SGCZ: variants seen among roughly 807,000 people sequenced by gnomAD.
SGCZ encodes sarcoglycan zeta.
A neutral mutation model predicts 41.3 loss-of-function variants in SGCZ; 40 were observed. The observed-to-expected ratio is 0.97, with a 90% CI of 0.75 to 1.26. The LOEUF is 1.26. Among genes scored for constraint, SGCZ ranks in the 50% most tolerant of loss-of-function variants. SGCZ has a pLI of 0.00. For missense variants in SGCZ, 552 were observed against 369.8 expected (o/e 1.49, Z -4.04); for synonymous variants, 206 against 137.5 (o/e 1.50, Z -3.49).
At chr8:14,101,759 C>CAAG (rs1382879570) in intron 7 of SGCZ, among the ~76,000 whole-genome samples, 3 of 148,366 alleles carry the variant, frequency 2.0e-5, no homozygotes, top group Non-Finnish European at 3.0e-5. Flanking sequence ...TTCTGAATAT[C>CAAG]AAGATATAAC....
intron 7 of SGCZ, among the ~76,000 whole-genome samples, chr8:14,101,519 A>G (rs1024761755): frequency 3.3e-5 from 5 of 152,262 alleles, no homozygotes; most frequent in African/African-American, 1.2e-4. Flanking sequence ...ATGACAAAGT[A>G]TTATTTAAAG....
At chr8:14,650,012 T>C (rs1325909283) in intron 1 of SGCZ, among the ~76,000 whole-genome samples, 1 of 152,048 alleles carries the variant, frequency 6.6e-6, no homozygotes, top group African/African-American at 2.4e-5. Context: ...GCCAGGAAAC[T>C]ATAGTTGGAA....
chr8:14,367,034 G>C (rs117317667), intron 2 of SGCZ, among the ~76,000 whole-genome samples: 1 of 152,002 alleles, frequency 6.6e-6, no homozygotes, highest in African/African-American at 2.4e-5. Flanking sequence ...GCATTGTCAG[G>C]CTGCATATTT....
At chr8:14,497,557 C>T (rs928316367) in intron 2 of SGCZ, among the ~76,000 whole-genome samples, 4 of 146,180 alleles carry the variant, frequency 2.7e-5, no homozygotes, top group African/African-American at 4.9e-5. Flanking sequence ...TTTGTGTGTG[C>T]GTATGTGTGT....
At chr8:14,702,839 A>AGATAGATAGATAGATAGATAGATAGAT (rs1809198382) in intron 1 of SGCZ, among the ~76,000 whole-genome samples, 2 of 97,950 alleles carry the variant, frequency 2.0e-5, no homozygotes, top group African/African-American at 3.2e-5. Context: ...ATAGATAGAT[A>AGATAGATAGATAGATAGATAGATAGAT]GATAGATAGA....
intron 5 of SGCZ, among the ~76,000 whole-genome samples, chr8:14,146,061 A>G (rs929474637): frequency 3.3e-5 from 5 of 152,228 alleles, no homozygotes; most frequent in Non-Finnish European, 7.3e-5. Flanking sequence ...TCAAGCCTAA[A>G]GAAAGATATC....
chr8:14,993,450 T>C (rs190894468), intron 1 of SGCZ, among the ~76,000 whole-genome samples: 10 of 152,280 alleles, frequency 6.6e-5, no homozygotes, highest in Non-Finnish European at 1.2e-4. Context: ...ATTCTGGTAC[T>C]ATCAAGATAG....
At chr8:14,982,360 G>T (rs79887401) in intron 1 of SGCZ, among the ~76,000 whole-genome samples, 3,357 of 152,218 alleles carry the variant, frequency 0.022, 147 homozygotes, top group African/African-American at 0.076. Context: ...TTCGTTCGTT[G>T]TGTGATATAC....
At chr8:14,606,132 G>C (rs1481298644) in intron 1 of SGCZ, among the ~76,000 whole-genome samples, 2 of 151,644 alleles carry the variant, frequency 1.3e-5, no homozygotes, top group East Asian at 1.9e-4. Flanking sequence ...ACAATGTATA[G>C]CCATGACTTC....
At chr8:14,634,318 T>C (rs1806756749) in intron 1 of SGCZ, among the ~76,000 whole-genome samples, 1 of 151,914 alleles carries the variant, frequency 6.6e-6, no homozygotes, top group Non-Finnish European at 1.5e-5. Flanking sequence ...AAAATTTTTA[T>C]CCATTTTAAA....
intron 1 of SGCZ, among the ~76,000 whole-genome samples, chr8:15,132,694 A>T (rs1187010013): frequency 1.3e-5 from 2 of 152,186 alleles, no homozygotes; most frequent in Non-Finnish European, 2.9e-5. Flanking sequence ...GAATTTTGAA[A>T]GCCAGTTGCT....
chr8:15,050,052 G>T (rs1804458115), intron 1 of SGCZ, among the ~76,000 whole-genome samples: 1 of 152,104 alleles, frequency 6.6e-6, no homozygotes, highest in South Asian at 2.1e-4. Context: ...TTGGGACTTT[G>T]GTGATGGCTG....
chr8:14,400,219 A>T (rs1182899292), intron 2 of SGCZ, among the ~76,000 whole-genome samples: 3 of 152,150 alleles, frequency 2.0e-5, no homozygotes, highest in Non-Finnish European at 4.4e-5. Flanking sequence ...CTATAAAATA[A>T]TATTTCATTA....
chr8:14,963,277 A>G (rs1454890537), intron 1 of SGCZ, among the ~76,000 whole-genome samples: 1 of 152,152 alleles, frequency 6.6e-6, no homozygotes, highest in Admixed American at 6.6e-5. Flanking sequence ...AGATTGGTAA[A>G]TGTAACAGTT....
chr8:14,333,928 T>C (rs1802422628), intron 2 of SGCZ, among the ~76,000 whole-genome samples: 1 of 152,132 alleles, frequency 6.6e-6, no homozygotes. Flanking sequence ...AAGATTCAGT[T>C]GCGTCCTAAT....
At chr8:14,098,167 CA>C (rs1389120868) in intron 7 of SGCZ, among the ~76,000 whole-genome samples, 1 of 152,054 alleles carries the variant, frequency 6.6e-6, no homozygotes, top group Non-Finnish European at 1.5e-5. Flanking sequence ...CTGCATTTAT[CA>C]ACAGTATTCA....
chr8:15,026,600 G>A (rs1803465854), intron 1 of SGCZ, among the ~76,000 whole-genome samples: 1 of 152,130 alleles, frequency 6.6e-6, no homozygotes, highest in Admixed American at 6.5e-5. Flanking sequence ...TTGGTACACA[G>A]ATGTGCCATT....
chr8:14,605,382 A>T lies in SGCZ; in HGVS notation c.40-50456T>A, dbSNP rs1805716167. Reference sequence around the variant, plus strand: ...GGGCAAATTGGGTATCTATCATCTCAAGCATTTATCCTTTGTGTTACCAAC... The same window carrying T: ...GGGCAAATTGGGTATCTATCATCTCTAGCATTTATCCTTTGTGTTACCAAC... On this transcript the variant is annotated intron_variant, in intron 1 of 7. Transcript: ENST00000382080. 2.0e-5 allele frequency among the ~76,000 whole-genome samples: 3 copies of T among 152,104 alleles called. No homozygotes were observed. The South Asian group carries it at 6.2e-4, about 32-fold the overall frequency.
Position 14,890,988 on chromosome 8 carries a change from T to A in SGCZ, c.40-336062A>T, listed in dbSNP as rs151088934. The stretch of plus-strand genomic sequence containing the variant: ...TTTACTGAATAGTTTAAGCCCTCTA[T>A]TGAGACCTATTCCTGAGAAAAACAA... On this transcript the variant is annotated intron_variant, in intron 1 of 7. Coordinates refer to ENST00000382080, the MANE Select transcript of SGCZ (RefSeq NM_139167.4). 7.2e-5 allele frequency among the ~76,000 whole-genome samples: 11 copies of A among 152,318 alleles called. No homozygotes were observed. The East Asian group carries it at 2.1e-3, about 29-fold the overall frequency.
Sources: allele counts gnomAD v4.1 joint callset (sites outside exome capture counted in the v4.1 genomes callset), GRCh38; gene constraint gnomAD v4.1.1; transcripts MANE v1.5; gene names NCBI Gene and HGNC (gene_info 2026-07-23, HGNC 2026-07-21).